The following RAD54L variants were observed in gnomAD, a reference collection of about 807,000 sequenced individuals.
The protein encoded by RAD54L is DNA repair and recombination protein RAD54-like.
RAD54L carries 74 observed loss-of-function variants against 91.6 expected under a neutral mutation model. The ratio of observed to expected loss-of-function variants is 0.81; its 90% CI spans 0.67 to 0.98. RAD54L has a LOEUF of 0.98. RAD54L is among the 50% of genes least tolerant of loss of function. The pLI, the probability that RAD54L is intolerant of heterozygous loss-of-function variation, is 0.00. For synonymous variants in RAD54L, 304 were observed against 349.7 expected (o/e 0.87, Z 1.46); for missense variants, 887 against 945.7 (o/e 0.94, Z 0.81).
chr1:46,272,571 G>C (rs1332461449), intron 11 of RAD54L, 31 bp downstream of exon 11: 3 of 1,608,810 alleles, frequency 1.9e-6, no homozygotes, highest in Non-Finnish European at 2.6e-6. Flanking sequence ...ATGTGGAGTG[G>C]GTCAAAGCCT....
At chr1:46,274,811 G>A in intron 16 of RAD54L, 94 bp downstream of exon 16, 1 of 1,479,602 alleles carries the variant, frequency 6.8e-7, no homozygotes, top group Admixed American at 1.7e-5. Flanking sequence ...TGGCCTTTCT[G>A]CCTCTAGCAG....
intron 8 of RAD54L, among the ~76,000 whole-genome samples, chr1:46,266,048 G>C (rs1222293271): frequency 2.0e-5 from 3 of 152,234 alleles, no homozygotes; most frequent in African/African-American, 7.2e-5. Context: ...GGAGCACAGA[G>C]TTGAGAGAGA....
intron 10 of RAD54L, 132 bp downstream of exon 10, chr1:46,270,917 T>C: frequency 1.7e-6 from 2 of 1,208,456 alleles, no homozygotes; most frequent in Non-Finnish European, 2.4e-6. Context: ...GTCCTAACTA[T>C]GGCCACTGAA....
intron 3 of RAD54L, among the ~76,000 whole-genome samples, chr1:46,255,058 A>T (rs1659903168): frequency 6.6e-6 from 1 of 152,098 alleles, no homozygotes; most frequent in Admixed American, 6.6e-5. Flanking sequence ...TGTCCATTGG[A>T]ATTAGGGTCA....
At chr1:46,259,128 C>T (rs1248957216) in intron 4 of RAD54L, among the ~76,000 whole-genome samples, 1 of 151,394 alleles carries the variant, frequency 6.6e-6, no homozygotes, top group Non-Finnish European at 1.5e-5. Context: ...CAGCATTATG[C>T]TAAAACTGGG....
intron 3 of RAD54L, among the ~76,000 whole-genome samples, chr1:46,255,472 T>A (rs577941978): frequency 6.7e-6 from 1 of 149,158 alleles, no homozygotes; most frequent in South Asian, 2.1e-4. Flanking sequence ...CCAAACCAGA[T>A]CCCTGAAGGT....
At chr1:46,273,817 T>C in intron 14 of RAD54L, 70 bp downstream of exon 14, 1 of 1,550,244 alleles carries the variant, frequency 6.5e-7, no homozygotes, top group Admixed American at 2.0e-5. Context: ...TAGTTCTGAT[T>C]TGTGGATGTG....
At chr1:46,249,100 G>A (rs1461077816) in intron 2 of RAD54L, among the ~76,000 whole-genome samples, 2 of 152,180 alleles carry the variant, frequency 1.3e-5, no homozygotes, top group Non-Finnish European at 2.9e-5. Context: ...GCTTGTTGGG[G>A]CTGGCTGTGG....
intron 10 of RAD54L, 50 bp from the exon 11 acceptor site, chr1:46,272,413 AGTT>A (rs1660457581): frequency 7.0e-7 from 1 of 1,434,338 alleles, no homozygotes; most frequent in African/African-American, 1.4e-5. Context: ...TTATTCCAGT[AGTT>A]AGCATGGCAA....
rs768343965 is a variant in RAD54L, at chr1:46,260,852, A to C, written c.603A>C (p.Leu201Phe). 6.2e-7 allele frequency: 1 copy of C among 1,614,216 alleles called. No homozygotes were observed. The highest frequency in any genetic ancestry group is 2.2e-5 in the East Asian group (1 of 44,888). Reference sequence around the variant, plus strand: ...GCATCACATTGATGTGGACACTTTTACGCCAGAGTCCAGAGTGCAAGCCAG... The same window carrying C: ...GCATCACATTGATGTGGACACTTTTCCGCCAGAGTCCAGAGTGCAAGCCAG... ...LQCITLMWTL[L>F]RQSPECKPEI... The change falls in exon 7 of 18, where the codon TTA becomes TTC. Residue 201 changes from leucine to phenylalanine, a missense_variant. Coordinates refer to ENST00000371975, the MANE Select transcript of RAD54L (RefSeq NM_003579.4).
At chr1:46,261,154 G>C (rs1231528710) in intron 7 of RAD54L, 107 bp from the exon 8 acceptor site, 4 of 1,550,596 alleles carry the variant, frequency 2.6e-6, no homozygotes, top group Non-Finnish European at 3.5e-6. Context: ...AGTTGAAGTG[G>C]AGTCAGTTGT....
At chr1:46,256,607 C>T (rs769034486) in intron 3 of RAD54L, among the ~76,000 whole-genome samples, 38 of 151,322 alleles carry the variant, frequency 2.5e-4, no homozygotes, top group Non-Finnish European at 5.3e-4. Flanking sequence ...GTACTCCAGC[C>T]TGGGCGACAA....
chr1:46,272,025 C>CTTTTTTTTTT lies in RAD54L; in HGVS notation c.1170-416_1170-407dup, dbSNP rs1162693010. On this transcript the variant is annotated intron_variant, in intron 10 of 17. Transcript: ENST00000371975. ...GATGTGTTTGACATAGGTCTGATGA[C>CTTTTTTTTTT]TTTTTTTTTTTTTTTTTTTTTTTTT... Among the ~76,000 whole-genome samples the CTTTTTTTTTT allele has an allele frequency of 7.4e-3, 306 of 41,158 alleles. 65 individuals carry two copies. The highest frequency in any genetic ancestry group is 9.1e-3 in the East Asian group (17 of 1,866). 27.0% of individuals were successfully genotyped at this position (41,158 alleles called of 152,430 possible).
At position 46,277,827 on chromosome 1, in the gene RAD54L, T is replaced by G; in HGVS notation, c.1880T>G (p.Ile627Ser). The G allele has an allele frequency of 2.5e-6, 4 of 1,605,912 alleles. No homozygotes were observed. The highest frequency in any genetic ancestry group is 3.4e-6 in the Non-Finnish European group (4 of 1,172,798). Reference sequence around the variant, plus strand: ...CCTCCTCTTCCCCAGGCAGGGACCATTGAGGAGAAGATCTTCCAGCGTCAG... The same window carrying G: ...CCTCCTCTTCCCCAGGCAGGGACCAGTGAGGAGAAGATCTTCCAGCGTCAG... ...YIYRLLSAGT[I>S]EEKIFQRQSH... Residue 627 changes from isoleucine to serine, a missense_variant, in exon 17 of 18, where the codon ATT becomes AGT. Transcript: ENST00000371975.
At chr1:46,275,275 G>A (rs1238667021) in intron 16 of RAD54L, among the ~76,000 whole-genome samples, 2 of 152,076 alleles carry the variant, frequency 1.3e-5, no homozygotes, top group East Asian at 3.9e-4. Flanking sequence ...ATGTTTCCTT[G>A]ACCTCATCTC....
chr1:46,272,493 C>T lies in RAD54L; in HGVS notation c.1197C>T (p.Ile399=). The T allele has an allele frequency of 1.2e-6, 2 of 1,612,446 alleles. No individual in the cohort carries two copies. The highest frequency in any genetic ancestry group is 1.7e-6 in the Non-Finnish European group (2 of 1,178,470). Residue 399 remains isoleucine (I), a synonymous_variant, in exon 11 of 18, where the codon ATC becomes ATT. Transcript: ENST00000371975. ...NRCLIRRTSD[I]LSKYLPVKIE... ...GCCTGATACGGAGGACTTCTGATAT[C>T]CTTTCTAAATATCTGCCTGTGAAGA... is the stretch of plus-strand genomic sequence containing the variant.
chr1:46,262,725 T>C (rs1487841044), intron 8 of RAD54L, among the ~76,000 whole-genome samples: 1 of 152,138 alleles, frequency 6.6e-6, no homozygotes, highest in African/African-American at 2.4e-5. Flanking sequence ...CATGGCGTTC[T>C]ATCTGCAGCT....
In RAD54L at chr1:46,260,730, G is replaced by C. The variant is rs1228515274; in HGVS notation, c.481G>C (p.Val161Leu). The change falls in exon 7 of 18, where the codon GTG becomes CTG. Residue 161 changes from valine to leucine, a missense_variant. By Grantham distance (32) the Val-to-Leu change is conservative. Transcript: ENST00000371975. ...KVLRPHQREG[V>L]KFLWECVTSR... Reference sequence around the variant, plus strand: ...ACTGAAGGCTGTTATTCTCTAGGGAGTGAAATTCCTGTGGGAGTGTGTCAC... The same window carrying C: ...ACTGAAGGCTGTTATTCTCTAGGGACTGAAATTCCTGTGGGAGTGTGTCAC... The C allele has an allele frequency of 1.2e-6, 2 of 1,614,110 alleles. No homozygotes were observed. The highest frequency in any genetic ancestry group is 1.7e-6 in the Non-Finnish European group (2 of 1,180,060).
chr1:46,272,666 T>G lies in RAD54L; in HGVS notation c.1245-6T>G. 1 of 1,614,146 alleles carries G rather than the reference T, an allele frequency of 6.2e-7. No homozygotes were observed. Among genetic ancestry groups the G allele is most frequent in the Non-Finnish European group, 8.5e-7 (1 of 1,180,028 alleles). ...CTTTTTCCACTGACCCAGCTGCCTT[T>G]TTTAGGCTGACACCCCTTCAGACTG... is the stretch of plus-strand genomic sequence containing the variant. On this transcript the variant is annotated splice_region_variant and splice_polypyrimidine_tract_variant and intron_variant, in intron 11 of 17. Coordinates refer to ENST00000371975, the MANE Select transcript of RAD54L (RefSeq NM_003579.4).
Sources: gnomAD v4.1 joint callset for allele counts (sites outside exome capture counted in the v4.1 genomes callset) on GRCh38, gnomAD v4.1.1 for gene constraint, MANE v1.5 for transcripts, NCBI Gene and HGNC (gene_info 2026-07-23, HGNC 2026-07-21) for gene names.